The following HMCN1 variants were observed in gnomAD, a reference collection of about 807,000 sequenced individuals.
The protein encoded by HMCN1 is hemicentin 1, also known as hemicentin-1.
HMCN1 carries 321 observed loss-of-function variants against 625.9 expected under a neutral mutation model. The ratio of observed to expected loss-of-function variants is 0.51; its 90% CI spans 0.47 to 0.56. The LOEUF is 0.56. HMCN1 is among the 20% of genes least tolerant of loss of function. The pLI, the probability that HMCN1 is intolerant of heterozygous loss-of-function variation, is 0.00. For synonymous variants in HMCN1, 2,425 were observed against 2,417.6 expected (o/e 1.00, Z -0.09); for missense variants, 6,588 against 6,887.3 (o/e 0.96, Z 1.54).
chr1:185,998,669 C>T (rs904232886), intron 25 of HMCN1, among the ~76,000 whole-genome samples: 3 of 152,108 alleles, frequency 2.0e-5, no homozygotes, highest in Non-Finnish European at 4.4e-5. Flanking sequence ...AGAAAAACAT[C>T]TCTTCCTTAC....
In HMCN1 at chr1:186,015,884, CT is replaced by C. The variant is rs145470452; in HGVS notation, c.4910-72del. 3.9e-4 allele frequency: 539 copies of C among 1,385,506 alleles called. 4 individuals are homozygous for C. In the African/African-American group the frequency reaches 6.8e-3, roughly 17 times the overall value. 85.8% of individuals were successfully genotyped at this position (1,385,506 alleles called of 1,614,324 possible). A position where few individuals can be genotyped will look rare whatever the true frequency, so the allele number is the denominator to read the frequency against. On this transcript the variant is annotated intron_variant, in intron 31 of 106. Transcript: ENST00000271588. Reference sequence around the variant, plus strand: ...AACTTTGTGAGAAAAAACAAAAGCTCTTCTTTATTTCATTAGAATGTATTTT... The same window carrying C: ...AACTTTGTGAGAAAAAACAAAAGCTCTCTTTATTTCATTAGAATGTATTTT...
At chr1:185,899,828 A>T (rs1308040942) in intron 4 of HMCN1, among the ~76,000 whole-genome samples, 1 of 152,098 alleles carries the variant, frequency 6.6e-6, no homozygotes, top group Non-Finnish European at 1.5e-5. Flanking sequence ...ACCTTTGTGT[A>T]TCTAGCACAG....
rs1029431889 is a variant in HMCN1, at chr1:185,963,163, T to C, written c.1970+504T>C. On this transcript the variant is annotated intron_variant, in intron 12 of 106. Coordinates refer to ENST00000271588, the MANE Select transcript of HMCN1 (RefSeq NM_031935.3). ...TGCTTTTTAAAAGCATTGAATCCAC[T>C]CATGCTCCTACAGTATAATAAACAC... Among the ~76,000 whole-genome samples, 22 of 152,136 alleles carry C rather than the reference T, an allele frequency of 1.4e-4. 1 individual carries two copies. Among genetic ancestry groups the C allele is most frequent in the African/African-American group, 5.1e-4 (21 of 41,432 alleles).
intron 1 of HMCN1, among the ~76,000 whole-genome samples, chr1:185,839,490 A>G (rs1457035367): frequency 3.3e-5 from 5 of 152,206 alleles, no homozygotes; most frequent in Non-Finnish European, 5.9e-5. Context: ...ATGCCTTATC[A>G]GTGCATAGAT....
At chr1:185,879,504 T>A (rs747774913) in intron 4 of HMCN1, among the ~76,000 whole-genome samples, 1 of 152,176 alleles carries the variant, frequency 6.6e-6, no homozygotes, top group East Asian at 1.9e-4. Flanking sequence ...TTTACCATTA[T>A]CTTATTTATT....
At position 186,114,140 on chromosome 1, in the gene HMCN1, A is replaced by G; in HGVS notation, c.11276+17A>G. 1.2e-6 allele frequency: 2 copies of G among 1,613,866 alleles called. No homozygotes were observed. Among genetic ancestry groups the G allele is most frequent in the Non-Finnish European group, 1.7e-6 (2 of 1,179,750 alleles). On this transcript the variant is annotated intron_variant, in intron 73 of 106. Transcript: ENST00000271588. ...TCATGCAAGGTAACCATACTGGAAA[A>G]TTAAAAAATGCTATAAGACCTGAAA...
rs999981993 is a variant in HMCN1 at position 185,794,987 on chromosome 1, C to T, written c.269-51039C>T. The stretch of plus-strand genomic sequence containing the variant: ...CAGTTCTGGAATGGTTTACTTTCCC[C>T]GTTAAGGTCACTGTCTATTTCTGGG... On this transcript the variant is annotated intron_variant, in intron 1 of 106. Coordinates refer to ENST00000271588, the MANE Select transcript of HMCN1 (RefSeq NM_031935.3). Among the ~76,000 whole-genome samples, 8 of 152,106 alleles carry T rather than the reference C, an allele frequency of 5.3e-5. No homozygotes were observed. The South Asian group carries it at 6.2e-4, about 12-fold the overall frequency.
In HMCN1 at chr1:186,120,048, G is replaced by C. The variant is rs1323377125; in HGVS notation, c.12132G>C (p.Gln4044His). Residue 4044 changes from glutamine to histidine, a missense_variant, in exon 80 of 107, where the codon CAG becomes CAC. Gln to His is a conservative substitution (Grantham distance 24). Around this residue, in one of 3 missense-constraint regions of HMCN1, gnomAD observed 1,954 missense variants for 2,013.1 expected, o/e 0.97. Transcript: ENST00000271588. ...CAGTTCTTCCTAGTGGCGGCTTACAGATCTCCAGAGCTGTCCGAGAGGATG... is the reference window on the plus strand; with the variant it reads ...CAGTTCTTCCTAGTGGCGGCTTACACATCTCCAGAGCTGTCCGAGAGGATG... ...NHAVLPSGGL[Q>H]ISRAVREDAG... 1.2e-6 allele frequency: 2 copies of C among 1,613,984 alleles called. No individual in the cohort carries two copies. Among genetic ancestry groups the C allele is most frequent in the African/African-American group, 1.3e-5 (1 of 75,004 alleles).
chr1:185,856,442 C>A (rs1430875195), intron 2 of HMCN1, among the ~76,000 whole-genome samples: 5 of 150,240 alleles, frequency 3.3e-5, no homozygotes, highest in African/African-American at 1.2e-4. Flanking sequence ...TGAGTGAGAT[C>A]GCGCCACTGC....
Position 185,734,745 on chromosome 1 carries a change from C to A in HMCN1, c.-35C>A, listed in dbSNP as rs769804319. The A allele has an allele frequency of 8.7e-6, 14 of 1,610,026 alleles. No individual in the cohort carries two copies. The highest frequency in any genetic ancestry group is 1.3e-5 in the African/African-American group (1 of 74,828). On this transcript the variant is annotated 5_prime_UTR_variant, in exon 1 of 107. Transcript: ENST00000271588. Reference sequence around the variant, plus strand: ...AGGAGGACTGAGCACAGTGCTTAGGCGCTGAGGGGGAAAAAGAGGGGGAAA... The same window carrying A: ...AGGAGGACTGAGCACAGTGCTTAGGAGCTGAGGGGGAAAAAGAGGGGGAAA...
At chr1:185,926,593 T>C (rs1017010142) in intron 9 of HMCN1, among the ~76,000 whole-genome samples, 20 of 152,180 alleles carry the variant, frequency 1.3e-4, no homozygotes, top group African/African-American at 4.3e-4. Context: ...AGAATTCTTT[T>C]TCTCATTTTT....
chr1:186,031,486 T>C (rs1655436190), intron 36 of HMCN1, among the ~76,000 whole-genome samples: 1 of 152,050 alleles, frequency 6.6e-6, no homozygotes, highest in African/African-American at 2.4e-5. Flanking sequence ...GATGTCTTGG[T>C]GGGGATTTCT....
chr1:185,981,285 T>A (rs1651614076), intron 17 of HMCN1, among the ~76,000 whole-genome samples: 1 of 152,080 alleles, frequency 6.6e-6, no homozygotes, highest in African/African-American at 2.4e-5. Context: ...TGAAGGGCAA[T>A]TTAAATAAAT....
In HMCN1 at chr1:186,090,907, G is replaced by A. The variant is rs1659804041; in HGVS notation, c.9877G>A (p.Glu3293Lys). 1.2e-6 allele frequency: 2 copies of A among 1,611,782 alleles called. No individual in the cohort carries two copies. Among genetic ancestry groups the A allele is most frequent in the African/African-American group, 2.7e-5 (2 of 74,816 alleles). The change falls in exon 64 of 107, where the codon GAA becomes AAA. Residue 3293 changes from glutamate (E) to lysine (K), a missense_variant. By Grantham distance (56) the Glu-to-Lys change is moderately conservative. Transcript: ENST00000271588. ...AAAGCCCATAGCTAGTGGTGAAACAGAAAGAATCCGGTATGTTTAAAAATA... is the reference window on the plus strand; with the variant it reads ...AAAGCCCATAGCTAGTGGTGAAACAAAAAGAATCCGGTATGTTTAAAAATA... ...DGKPIASGETERIRVSANGST... is the reference protein window; with the variant it reads ...DGKPIASGETKRIRVSANGST...
At chr1:185,977,009 G>GAAAAC (rs1651261911) in intron 15 of HMCN1, among the ~76,000 whole-genome samples, 1 of 151,818 alleles carries the variant, frequency 6.6e-6, no homozygotes, top group South Asian at 2.1e-4. Context: ...CCCTAAACAG[G>GAAAAC]ATTCCTATGT....
intron 1 of HMCN1, among the ~76,000 whole-genome samples, chr1:185,821,616 A>G (rs1389609955): frequency 2.6e-5 from 4 of 152,012 alleles, no homozygotes; most frequent in South Asian, 2.1e-4. Flanking sequence ...CTTGTATACT[A>G]TGTTTCAGCT....
intron 40 of HMCN1, among the ~76,000 whole-genome samples, chr1:186,043,109 C>T (rs555660270): frequency 6.6e-6 from 1 of 152,228 alleles, no homozygotes; most frequent in African/African-American, 2.4e-5. Flanking sequence ...GGAGATCACA[C>T]ATTCTTCAGC....
intron 100 of HMCN1, among the ~76,000 whole-genome samples, chr1:186,168,119 G>T (rs573143346): frequency 6.6e-6 from 1 of 151,396 alleles, no homozygotes; most frequent in South Asian, 2.1e-4. Context: ...AAAGGAAATG[G>T]ATCTATATAT....
intron 1 of HMCN1, among the ~76,000 whole-genome samples, chr1:185,826,821 T>C (rs1660541168): frequency 6.6e-6 from 1 of 152,090 alleles, no homozygotes; most frequent in African/African-American, 2.4e-5. Context: ...ATGTCTCCAT[T>C]CCCTTCGCCA....
Sources: allele counts gnomAD v4.1 joint callset (sites outside exome capture counted in the v4.1 genomes callset), GRCh38; gene constraint gnomAD v4.1.1; regional missense constraint gnomAD v4.1.1; transcripts MANE v1.5; gene names NCBI Gene and HGNC (gene_info 2026-07-23, HGNC 2026-07-21).